PIWIL2: variants seen among roughly 807,000 people sequenced by gnomAD.
PIWIL2 encodes piwi like RNA-mediated gene silencing 2, also known as piwi-like protein 2.
Under a neutral mutation model 116.5 loss-of-function variants are expected in PIWIL2, and 81 were observed. That is an observed-to-expected ratio of 0.70 (90% CI 0.58 to 0.84). The LOEUF (loss-of-function observed/expected upper bound fraction) is 0.84. PIWIL2 is among the 40% of genes least tolerant of loss of function. The pLI is 0.00. For missense variants in PIWIL2, 1,272 were observed against 1,212.3 expected (o/e 1.05, Z -0.73); for synonymous variants, 489 against 429.5 (o/e 1.14, Z -1.71).
intron 10 of PIWIL2, among the ~76,000 whole-genome samples, chr8:22,294,197 G>C (rs943518956): frequency 8.6e-5 from 13 of 151,890 alleles, no homozygotes; most frequent in East Asian, 7.8e-4. Context: ...AATTAGCCAG[G>C]CGTGGTGGCA....
intron 20 of PIWIL2, among the ~76,000 whole-genome samples, chr8:22,350,808 T>G (rs1832335422): frequency 6.6e-6 from 1 of 152,136 alleles, no homozygotes; most frequent in South Asian, 2.1e-4. Flanking sequence ...TTGACCAGCC[T>G]GGGCAACATA....
At chr8:22,309,409 C>T (rs1831270045) in intron 14 of PIWIL2, among the ~76,000 whole-genome samples, 1 of 152,090 alleles carries the variant, frequency 6.6e-6, no homozygotes, top group African/African-American at 2.4e-5. Context: ...GGTGTGATCT[C>T]AGCTCACTGC....
chr8:22,292,042 GAGA>G (rs776255743), intron 10 of PIWIL2, among the ~76,000 whole-genome samples: 11 of 152,136 alleles, frequency 7.2e-5, no homozygotes, highest in African/African-American at 2.4e-4. Flanking sequence ...CAGGTGAAGG[GAGA>G]AGAAGCTTTT....
chr8:22,305,030 A>G (rs1831142128), intron 12 of PIWIL2, among the ~76,000 whole-genome samples, 162 bp downstream of exon 12: 7 of 152,068 alleles, frequency 4.6e-5, no homozygotes, highest in Admixed American at 3.9e-4. Flanking sequence ...CAGAGGCACC[A>G]CTCACACTGG....
intron 14 of PIWIL2, among the ~76,000 whole-genome samples, chr8:22,309,724 A>G (rs1831279723): frequency 6.6e-6 from 1 of 152,208 alleles, no homozygotes; most frequent in African/African-American, 2.4e-5. Context: ...TTGGGATATC[A>G]TGTGGAAGCT....
chr8:22,295,757 C>G (rs1439532614), intron 10 of PIWIL2, among the ~76,000 whole-genome samples: 2 of 152,178 alleles, frequency 1.3e-5, no homozygotes, highest in Non-Finnish European at 2.9e-5. Flanking sequence ...GTGAGAAGAG[C>G]TCGGTGTTTA....
intron 10 of PIWIL2, among the ~76,000 whole-genome samples, chr8:22,303,492 A>G (rs1017920094): frequency 4.1e-4 from 63 of 152,160 alleles, no homozygotes; most frequent in African/African-American, 1.5e-3. Context: ...CCTGGGTTCA[A>G]GCCGTCTTCC....
At chr8:22,295,635 AG>A (rs1830880341) in intron 10 of PIWIL2, among the ~76,000 whole-genome samples, 1 of 152,016 alleles carries the variant, frequency 6.6e-6, no homozygotes, top group African/African-American at 2.4e-5. Flanking sequence ...GGAGCTCTGC[AG>A]GCTGTCCTCC....
chr8:22,353,267 C>T, intron 21 of PIWIL2, 55 bp downstream of exon 21: 1 of 1,502,020 alleles, frequency 6.7e-7, no homozygotes, highest in Non-Finnish European at 9.1e-7. Flanking sequence ...GATGTTGTCA[C>T]TTTCCTGAGT....
At chr8:22,339,722 G>C (rs1018909861) in intron 20 of PIWIL2, among the ~76,000 whole-genome samples, 20 of 152,180 alleles carry the variant, frequency 1.3e-4, no homozygotes, top group African/African-American at 4.8e-4. Flanking sequence ...TCATTCATCC[G>C]ATACATATGG....
At chr8:22,316,520 C>T (rs1831464293) in intron 19 of PIWIL2, among the ~76,000 whole-genome samples, 187 bp downstream of exon 19, 1 of 151,774 alleles carries the variant, frequency 6.6e-6, no homozygotes, top group Non-Finnish European at 1.5e-5. Context: ...CTCCCTCTGT[C>T]ACCCAGGCTG....
intron 20 of PIWIL2, among the ~76,000 whole-genome samples, chr8:22,331,738 GC>G (rs1193629618): frequency 6.6e-6 from 1 of 152,038 alleles, no homozygotes; most frequent in Non-Finnish European, 1.5e-5. Flanking sequence ...CAAAGAATTG[GC>G]AGAGTCGGTT....
intron 20 of PIWIL2, among the ~76,000 whole-genome samples, chr8:22,329,524 A>G (rs559796541): frequency 1.3e-5 from 2 of 152,332 alleles, no homozygotes; most frequent in African/African-American, 4.8e-5. Flanking sequence ...TAAGTGACCA[A>G]ATCTTTGTGT....
intron 20 of PIWIL2, among the ~76,000 whole-genome samples, chr8:22,351,184 T>G: frequency 6.6e-6 from 1 of 151,336 alleles, no homozygotes; most frequent in African/African-American, 2.4e-5. Flanking sequence ...ACTGGCGTAG[T>G]GACAAGCACC....
intron 20 of PIWIL2, among the ~76,000 whole-genome samples, chr8:22,341,354 G>T (rs1832104151): frequency 6.6e-6 from 1 of 151,650 alleles, no homozygotes; most frequent in African/African-American, 2.4e-5. Context: ...CCGGCACTTT[G>T]GGAGGCTGAG....
Position 22,315,018 on chromosome 8 carries a change from C to T in PIWIL2, c.2092-11C>T, listed in dbSNP as rs1447751533. 1.9e-6 allele frequency: 3 copies of T among 1,565,264 alleles called. No individual in the cohort carries two copies. The highest frequency in any genetic ancestry group is 1.4e-5 in the African/African-American group (1 of 73,870). ...TGCTTCTCCTGACACCTTTTGGTCCCTTCATTATAGGTTGTCAATGTTCGA... is the reference window on the plus strand; with the variant it reads ...TGCTTCTCCTGACACCTTTTGGTCCTTTCATTATAGGTTGTCAATGTTCGA... On this transcript the variant is annotated splice_polypyrimidine_tract_variant and intron_variant, in intron 17 of 22. Coordinates refer to ENST00000356766, the MANE Select transcript of PIWIL2 (RefSeq NM_018068.5).
chr8:22,349,233 C>T (rs1832298050), intron 20 of PIWIL2, among the ~76,000 whole-genome samples: 1 of 150,904 alleles, frequency 6.6e-6, no homozygotes, highest in African/African-American at 2.4e-5. Context: ...TCTCAACCTC[C>T]TGACCTCAAG....
chr8:22,311,356 C>T, intron 16 of PIWIL2, 56 bp downstream of exon 16: 5 of 1,389,964 alleles, frequency 3.6e-6, no homozygotes, highest in Non-Finnish European at 5.0e-6. Flanking sequence ...TACTTAAATA[C>T]TTAATTTTAA....
At chr8:22,303,098 A>G (rs1246705189) in intron 10 of PIWIL2, among the ~76,000 whole-genome samples, 2 of 152,230 alleles carry the variant, frequency 1.3e-5, no homozygotes, top group African/African-American at 4.8e-5. Flanking sequence ...ATAGACTGGT[A>G]GTTACCAGAT....
Sources: gnomAD v4.1 joint callset for allele counts (sites outside exome capture counted in the v4.1 genomes callset) on GRCh38, gnomAD v4.1.1 for gene constraint, MANE v1.5 for transcripts, NCBI Gene and HGNC (gene_info 2026-07-23, HGNC 2026-07-21) for gene names.